The following EEFSEC variants were observed in gnomAD, a reference collection of about 807,000 sequenced individuals.
EEFSEC encodes selenocysteine-specific elongation factor.
Under a neutral mutation model 42.1 loss-of-function variants are expected in EEFSEC, and 43 were observed. The observed-to-expected ratio is 1.02, with a 90% CI of 0.80 to 1.32. EEFSEC has a LOEUF of 1.32. Ranked by LOEUF, EEFSEC falls within the 40% of genes most tolerant of loss-of-function variation. The probability of loss-of-function intolerance (pLI) is 0.00; values close to 1 mark genes in which losing one functional copy is unlikely to be tolerated. For synonymous variants in EEFSEC, 354 were observed against 339.1 expected, an observed-to-expected ratio of 1.04 and a Z score of -0.48; for missense variants, 745 against 803.6, an observed-to-expected ratio of 0.93 and a Z score of 0.88.
At chr3:128,269,245 C>T (rs1172960252) in intron 4 of EEFSEC, among the ~76,000 whole-genome samples, 2 of 152,258 alleles carry the variant, frequency 1.3e-5, no homozygotes, top group African/African-American at 2.4e-5. Flanking sequence ...CCTGCTGTCA[C>T]GGGAGCCCCA....
At chr3:128,309,080 C>T (rs1353191878) in intron 4 of EEFSEC, among the ~76,000 whole-genome samples, 1 of 152,236 alleles carries the variant, frequency 6.6e-6, no homozygotes, top group Non-Finnish European at 1.5e-5. Flanking sequence ...TGCCTTCGCC[C>T]ATGAGCAAGA....
intron 6 of EEFSEC, among the ~76,000 whole-genome samples, chr3:128,372,006 A>G (rs1473171454): frequency 2.0e-5 from 3 of 152,204 alleles, no homozygotes; most frequent in African/African-American, 7.2e-5. Context: ...TACACAGTGA[A>G]TGCAACTTTT....
chr3:128,266,880 G>A (rs1046782771), intron 4 of EEFSEC, among the ~76,000 whole-genome samples: 2 of 152,128 alleles, frequency 1.3e-5, no homozygotes, highest in Non-Finnish European at 2.9e-5. Flanking sequence ...ACAAAATTAA[G>A]ATTACTTTGG....
At chr3:128,189,558 CTT>C (rs3037702) in intron 1 of EEFSEC, among the ~76,000 whole-genome samples, 39,567 of 136,752 alleles carry the variant, frequency 0.29, 5,581 homozygotes, top group South Asian at 0.37. Flanking sequence ...GACTTCTTTT[CTT>C]TTTTTTTTTT....
At chr3:128,224,593 C>T (rs76576492) in intron 1 of EEFSEC, among the ~76,000 whole-genome samples, 89 of 152,290 alleles carry the variant, frequency 5.8e-4, no homozygotes, top group East Asian at 5.2e-3. Flanking sequence ...TTTCACCGTG[C>T]TTGTTTCATC....
chr3:128,264,493 T>C, intron 3 of EEFSEC, 124 bp from the exon 4 acceptor site: 2 of 1,136,276 alleles, frequency 1.8e-6, no homozygotes, highest in South Asian at 1.4e-5. Flanking sequence ...GGCATGGACC[T>C]CTGAGCTGAG....
intron 2 of EEFSEC, among the ~76,000 whole-genome samples, chr3:128,257,288 T>G (rs2107919341): frequency 6.6e-6 from 1 of 152,352 alleles, no homozygotes; most frequent in African/African-American, 2.4e-5. Context: ...AAAGCCTCAG[T>G]GACTGACTTT....
intron 1 of EEFSEC, among the ~76,000 whole-genome samples, chr3:128,229,892 C>T (rs1029084624): frequency 6.6e-6 from 1 of 152,184 alleles, no homozygotes; most frequent in Admixed American, 6.5e-5. Context: ...TGGTCTCACA[C>T]CTTGACTTAT....
At chr3:128,336,558 G>A (rs546599088) in intron 4 of EEFSEC, among the ~76,000 whole-genome samples, 65 of 152,220 alleles carry the variant, frequency 4.3e-4, no homozygotes, top group Admixed American at 1.5e-3. Flanking sequence ...CCTGCCACCC[G>A]CAGTTCCACT....
At chr3:128,291,673 A>T (rs558157865) in intron 4 of EEFSEC, among the ~76,000 whole-genome samples, 83 of 152,352 alleles carry the variant, frequency 5.4e-4, no homozygotes, top group Admixed American at 7.2e-4. Flanking sequence ...CCTTGCTAAA[A>T]TTTCTCACTA....
In EEFSEC at chr3:128,167,926, T is replaced by C. The variant is rs1187441728; in HGVS notation, c.316+14103T>C. Among the ~76,000 whole-genome samples, 3 of 152,344 alleles carry C rather than the reference T, an allele frequency of 2.0e-5. No homozygotes were observed. In the East Asian group the frequency reaches 5.8e-4, roughly 29 times the overall value. The stretch of plus-strand genomic sequence containing the variant: ...TCTGCCGGAGGAAATTTGAACAAAG[T>C]TGTACTTTGGTAATTCTTCTGCCTC... On this transcript the variant is annotated intron_variant, in intron 1 of 6. Transcript: ENST00000254730.
chr3:128,232,520 T>C (rs1017461882), intron 1 of EEFSEC, among the ~76,000 whole-genome samples: 1 of 152,078 alleles, frequency 6.6e-6, no homozygotes, highest in Non-Finnish European at 1.5e-5. Context: ...TTTTCCACAA[T>C]CCTATTTTCT....
the EEFSEC span, among the ~76,000 whole-genome samples, chr3:128,425,762 C>A: frequency 7.2e-5 from 11 of 152,314 alleles, no homozygotes; most frequent in African/African-American, 2.4e-4. Context: ...AACCAGGCAG[C>A]CTGGGGACAC....
At position 128,408,610 on chromosome 3, in the gene EEFSEC, G is replaced by C. The variant is rs528761113; in HGVS notation, c.*351G>C. 4.4e-6 allele frequency: 1 copy of C among 225,396 alleles called. No homozygotes were observed. The highest frequency in any genetic ancestry group is 1.8e-4 in the South Asian group (1 of 5,652). 14.0% of individuals were successfully genotyped at this position (225,396 alleles called of 1,614,324 possible). On this transcript the variant is annotated 3_prime_UTR_variant, in exon 7 of 7. Coordinates refer to ENST00000254730, the MANE Select transcript of EEFSEC (RefSeq NM_021937.5). ...CCCCCAGGTGGGCAGGCACTTGATG[G>C]CTACAAATAAATGTCCCGTGGCCCC...
intron 4 of EEFSEC, among the ~76,000 whole-genome samples, chr3:128,308,978 T>G (rs909135946): frequency 3.3e-5 from 5 of 152,242 alleles, no homozygotes; most frequent in African/African-American, 1.2e-4. Flanking sequence ...TCTTTTGAAC[T>G]GAAAATTGAG....
At chr3:128,195,306 G>A (rs1030713324) in intron 1 of EEFSEC, among the ~76,000 whole-genome samples, 5 of 152,156 alleles carry the variant, frequency 3.3e-5, no homozygotes, top group African/African-American at 1.2e-4. Context: ...CAGCTGACTT[G>A]CCATTGCTGC....
chr3:128,413,366 C>T (rs958840317), downstream of EEFSEC, among the ~76,000 whole-genome samples: 4 of 152,286 alleles, frequency 2.6e-5, no homozygotes, highest in African/African-American at 4.8e-5. Context: ...AGACCCTGCC[C>T]GCATCCCAGC....
intron 1 of EEFSEC, among the ~76,000 whole-genome samples, chr3:128,223,185 G>T (rs1282307649): frequency 6.6e-6 from 1 of 152,224 alleles, no homozygotes; most frequent in African/African-American, 2.4e-5. Context: ...TATGCCCAGA[G>T]GGTGATTTTC....
chr3:128,221,046 C>T (rs1337897266), intron 1 of EEFSEC, among the ~76,000 whole-genome samples: 1 of 152,242 alleles, frequency 6.6e-6, no homozygotes, highest in Non-Finnish European at 1.5e-5. Flanking sequence ...CATGATAGTG[C>T]ATGTCCCTCA....
Sources: allele counts gnomAD v4.1 joint callset (sites outside exome capture counted in the v4.1 genomes callset), GRCh38; gene constraint gnomAD v4.1.1; transcripts MANE v1.5; gene names NCBI Gene and HGNC (gene_info 2026-07-23, HGNC 2026-07-21).